Variants in ACOT4 observed in about 807,000 individuals in gnomAD.
The protein encoded by ACOT4 is peroxisomal succinyl-coenzyme A thioesterase.
In ACOT4, 18 loss-of-function variants were observed where a neutral mutation model predicts 17.1. That is an observed-to-expected ratio of 1.05 (90% CI 0.73 to 1.56). ACOT4 has a LOEUF of 1.56. Ranked by LOEUF, ACOT4 falls within the 40% of genes most tolerant of loss-of-function variation. The pLI, the probability that ACOT4 is intolerant of heterozygous loss-of-function variation, is 0.00. For synonymous variants in ACOT4, 234 were observed against 236.6 expected (o/e 0.99, Z 0.10); for missense variants, 574 against 557.2 (o/e 1.03, Z -0.30).
rs142703628 is a variant in ACOT4 at position 73,592,195 on chromosome 14, G to C, written c.236G>C (p.Gly79Ala). ...GGSFAGLEPM[G>A]LLWALEPEKP... ...AGCTTCGCGGGACTCGAGCCCATGG[G>C]GCTGCTCTGGGCCCTGGAACCCGAG... Residue 79 changes from glycine (G) to alanine (A), a missense_variant, in exon 1 of 3, where the codon GGG becomes GCG. Coordinates refer to ENST00000326303, the MANE Select transcript of ACOT4 (RefSeq NM_152331.4). The C allele has an allele frequency of 1.9e-6, 3 of 1,611,022 alleles. No individual in the cohort carries two copies. The highest frequency in any genetic ancestry group is 2.5e-6 in the Non-Finnish European group (3 of 1,178,842).
intron 2 of ACOT4, 103 bp from the exon 3 acceptor site, chr14:73,594,946 C>T (rs1253866759): frequency 7.1e-7 from 1 of 1,400,372 alleles, no homozygotes; most frequent in Admixed American, 1.9e-5. Context: ...CTCAAGTGAT[C>T]CGCCCGCCTC....
intron 2 of ACOT4, 22 bp downstream of exon 2, chr14:73,593,926 TAATC>T (rs1566865960): frequency 6.3e-7 from 1 of 1,586,660 alleles, no homozygotes; most frequent in South Asian, 1.1e-5. Flanking sequence ...GTCCTTTATT[TAATC>T]AGTCTCTCTA....
intron 2 of ACOT4, among the ~76,000 whole-genome samples, chr14:73,594,392 A>G (rs548425289): frequency 6.6e-6 from 1 of 152,258 alleles, no homozygotes; most frequent in Non-Finnish European, 1.5e-5. Context: ...TGAAGACTTC[A>G]GTCAGACCTA....
Position 73,592,007 on chromosome 14 carries a change from C to A in ACOT4, c.48C>A (p.Asn16Lys). 1.4e-6 allele frequency: 2 copies of A among 1,429,616 alleles called. No homozygotes were observed. The highest frequency in any genetic ancestry group is 1.8e-6 in the Non-Finnish European group (2 of 1,094,122). The allele number at this position is 1,429,616 out of a possible 1,614,324, so 88.6% of individuals were successfully genotyped here. A position where few individuals can be genotyped will look rare whatever the true frequency, so the allele number is the denominator to read the frequency against. ...AGCCCCCAGGCCGCTGCTGCTGGAACGAGCCGGTGCGCATTGCCGTGCGCG... is the reference window on the plus strand; with the variant it reads ...AGCCCCCAGGCCGCTGCTGCTGGAAAGAGCCGGTGCGCATTGCCGTGCGCG... ...ILEPPGRCCWNEPVRIAVRGL... is the reference protein window; with the variant it reads ...ILEPPGRCCWKEPVRIAVRGL... The change falls in exon 1 of 3, where the codon AAC becomes AAA. Residue 16 changes from asparagine to lysine, a missense_variant. By Grantham distance (94) the Asn-to-Lys change is moderately conservative (BLOSUM62 0). Coordinates refer to ENST00000326303, the MANE Select transcript of ACOT4 (RefSeq NM_152331.4).
At position 73,591,996 on chromosome 14, in the gene ACOT4, T is replaced by G. The variant is rs1890154801; in HGVS notation, c.37T>G (p.Cys13Gly). Residue 13 changes from cysteine to glycine, a missense_variant, in exon 1 of 3, where the codon TGC (cysteine) becomes GGC (glycine). Cys to Gly is a radical substitution (Grantham distance 159). Coordinates refer to ENST00000326303, the MANE Select transcript of ACOT4 (RefSeq NM_152331.4). ...GCTGATCCTGGAGCCCCCAGGCCGCTGCTGCTGGAACGAGCCGGTGCGCAT... is the reference window on the plus strand; with the variant it reads ...GCTGATCCTGGAGCCCCCAGGCCGCGGCTGCTGGAACGAGCCGGTGCGCAT... Reference protein sequence around the residue: ...ATLILEPPGRCCWNEPVRIAV... With the variant: ...ATLILEPPGRGCWNEPVRIAV... The G allele has an allele frequency of 9.1e-6, 13 of 1,421,776 alleles. No individual in the cohort carries two copies. Among genetic ancestry groups the G allele is most frequent in the Middle Eastern group, 2.2e-4 (1 of 4,612 alleles). 88.1% of individuals were successfully genotyped at this position (1,421,776 alleles called of 1,614,324 possible). A position where few individuals can be genotyped will look rare whatever the true frequency, so the allele number is the denominator to read the frequency against.
Position 73,595,435 on chromosome 14 carries a change from A to C in ACOT4, c.1047A>C (p.Lys349Asn). ...GGTTACAGGCCCATGGAAAGGAAAA[A>C]CCCCAGATCATCTGTTACCCTGGGA... The part of the protein sequence containing the change: ...SERLQAHGKE[K>N]PQIICYPGTG... Residue 349 changes from lysine (K) to asparagine (N), a missense_variant, in exon 3 of 3, where the codon AAA becomes AAC. Lys to Asn is a moderately conservative substitution (Grantham distance 94). Transcript: ENST00000326303. The C allele has an allele frequency of 6.2e-7, 1 of 1,613,790 alleles. No individual in the cohort carries two copies. Among genetic ancestry groups the C allele is most frequent in the Non-Finnish European group, 8.5e-7 (1 of 1,179,938 alleles).
Position 73,593,787 on chromosome 14 carries a change from TG to T in ACOT4, c.545del (p.Gly182AlafsTer7), listed in dbSNP as rs1379624066. On this transcript the variant is annotated frameshift_variant, in exon 2 of 3. Transcript: ENST00000326303. LOFTEE classifies it high-confidence loss of function. ...EYRASLLAGH[G>X]FATLALAYYN... The stretch of plus-strand genomic sequence containing the variant: ...ATCGAGCCAGCCTCCTTGCTGGCCA[TG>T]GCTTTGCCACGTTGGCTCTAGCTTA... 22 of 1,614,098 alleles carry T rather than the reference TG, an allele frequency of 1.4e-5. No homozygotes were observed. The highest frequency in any genetic ancestry group is 1.9e-5 in the Non-Finnish European group (22 of 1,179,942).
rs374613280 is a variant in ACOT4, at chr14:73,592,208, C to A, written c.249C>A (p.Ala83=). The change falls in exon 1 of 3, where the codon GCC becomes GCA. Residue 83 remains alanine, a synonymous_variant. Coordinates refer to ENST00000326303, the MANE Select transcript of ACOT4 (RefSeq NM_152331.4). ...TCGAGCCCATGGGGCTGCTCTGGGC[C>A]CTGGAACCCGAGAAGCCTTTTTGGC... ...AGLEPMGLLW[A]LEPEKPFWRF... is the part of the protein sequence containing the mutation. The A allele has an allele frequency of 1.4e-5, 22 of 1,612,606 alleles. No homozygotes were observed. The highest frequency in any genetic ancestry group is 1.8e-5 in the Non-Finnish European group (21 of 1,179,266).
rs1255051097 is a variant in ACOT4 at position 73,595,227 on chromosome 14, G to A, written c.839G>A (p.Arg280Lys). The part of the protein sequence containing the change: ...SSIPPLGYDL[R>K]RIKVAFSGLV... ...ATTCCACCATTGGGCTATGACCTGAGGAGAATCAAGGTAGCTTTCTCAGGC... is the reference window on the plus strand; with the variant it reads ...ATTCCACCATTGGGCTATGACCTGAAGAGAATCAAGGTAGCTTTCTCAGGC... The change falls in exon 3 of 3, where the codon AGG (arginine) becomes AAG (lysine). Residue 280 changes from arginine (R) to lysine (K), a missense_variant. Coordinates refer to ENST00000326303, the MANE Select transcript of ACOT4 (RefSeq NM_152331.4). 1.2e-6 allele frequency: 2 copies of A among 1,614,210 alleles called. No homozygotes were observed. The highest frequency in any genetic ancestry group is 3.3e-5 in the Admixed American group (2 of 60,022).
intron 1 of ACOT4, among the ~76,000 whole-genome samples, chr14:73,593,109 C>T (rs1890181652): frequency 6.6e-6 from 1 of 152,188 alleles, no homozygotes; most frequent in African/African-American, 2.4e-5. Flanking sequence ...ATGTCGTCTT[C>T]TCTAGTGTTC....
In ACOT4 at chr14:73,593,835, C is replaced by A; in HGVS notation, c.591C>A (p.Pro197=). ...ALAYYNFEDL[P]NNMDNISLEY... The stretch of plus-strand genomic sequence containing the variant: ...CTTATTATAACTTTGAAGATCTCCC[C>A]AATAACATGGACAACATATCCCTGG... Residue 197 remains proline, a synonymous_variant, in exon 2 of 3, where the codon CCC becomes CCA. Coordinates refer to ENST00000326303, the MANE Select transcript of ACOT4 (RefSeq NM_152331.4). 6.2e-7 allele frequency: 1 copy of A among 1,614,052 alleles called. No individual in the cohort carries two copies. The highest frequency in any genetic ancestry group is 8.5e-7 in the Non-Finnish European group (1 of 1,179,960).
At position 73,592,074 on chromosome 14, in the gene ACOT4, C is replaced by A; in HGVS notation, c.115C>A (p.Arg39Ser). 1 of 1,484,328 alleles carries A rather than the reference C, an allele frequency of 6.7e-7. No homozygotes were observed. Among genetic ancestry groups the A allele is most frequent in the Middle Eastern group, 2.0e-4 (1 of 4,958 alleles). The allele number at this position is 1,484,328 out of a possible 1,614,324, so 91.9% of individuals were successfully genotyped here. Residue 39 changes from arginine to serine, a missense_variant, in exon 1 of 3, where the codon CGC becomes AGC. Coordinates refer to ENST00000326303, the MANE Select transcript of ACOT4 (RefSeq NM_152331.4). ...GCGGGTTACGCTGCGCGCGTCCCTG[C>A]GCGACGAGAAGGGCGCGCTCTTCCG... Reference protein sequence around the residue: ...EQRVTLRASLRDEKGALFRAH... With the variant: ...EQRVTLRASLSDEKGALFRAH...
At chr14:73,593,545 A>G (rs1042430045) in intron 1 of ACOT4, among the ~76,000 whole-genome samples, 157 bp from the exon 2 acceptor site, 1 of 151,574 alleles carries the variant, frequency 6.6e-6, no homozygotes, top group Admixed American at 6.6e-5. Context: ...GTCTCACTAC[A>G]TTGTCCAGGC....
In ACOT4 at chr14:73,592,357, G is replaced by GGGTGCGGCGCCAGTC; in HGVS notation, c.405_419dup (p.Arg136_Arg140dup). 1.9e-6 allele frequency: 3 copies of GGGTGCGGCGCCAGTC among 1,589,262 alleles called. No homozygotes were observed. Among genetic ancestry groups the GGGTGCGGCGCCAGTC allele is most frequent in the Non-Finnish European group, 2.6e-6 (3 of 1,169,820 alleles). On this transcript the variant is annotated inframe_insertion, in exon 1 of 3. Coordinates refer to ENST00000326303, the MANE Select transcript of ACOT4 (RefSeq NM_152331.4). ...CACGAGCGCCACTTCCTCCCGCCAG[G>GGGTGCGGCGCCAGTC]GGTGCGGCGCCAGTCGGTGCGAGCG... is the stretch of plus-strand genomic sequence containing the variant.
rs770305203 is a variant in ACOT4 at position 73,593,895 on chromosome 14, A to G, written c.651A>G (p.Gln217=). ...YFEEAVCYML[Q]HPQVKGPGIG... is the part of the protein sequence containing the mutation. The stretch of plus-strand genomic sequence containing the variant: ...AAGAAGCCGTATGCTACATGCTTCA[A>G]CATCCCCAGGTTCTCCTCATGTCCT... The change falls in exon 2 of 3, where the codon CAA becomes CAG. Residue 217 remains glutamine, a synonymous_variant. Transcript: ENST00000326303. 3 of 1,611,798 alleles carry G rather than the reference A, an allele frequency of 1.9e-6. No individual in the cohort carries two copies. The highest frequency in any genetic ancestry group is 2.5e-6 in the Non-Finnish European group (3 of 1,178,576).
At chr14:73,594,317 A>G (rs958498921) in intron 2 of ACOT4, among the ~76,000 whole-genome samples, 8 of 152,204 alleles carry the variant, frequency 5.3e-5, no homozygotes, top group Non-Finnish European at 1.2e-4. Context: ...CATATGGCAA[A>G]TGATCTGATG....
At chr14:73,592,627 C>T (rs772730937) in intron 1 of ACOT4, among the ~76,000 whole-genome samples, 3 of 152,136 alleles carry the variant, frequency 2.0e-5, no homozygotes, top group South Asian at 2.1e-4. Flanking sequence ...CCGAGATGGG[C>T]GGATCACTTG....
intron 2 of ACOT4, among the ~76,000 whole-genome samples, chr14:73,594,233 C>T (rs1890209970): frequency 6.6e-6 from 1 of 152,148 alleles, no homozygotes; most frequent in African/African-American, 2.4e-5. Flanking sequence ...TTGGTCAGAA[C>T]TTGTCCACCC....
rs199669153 is a variant in ACOT4, at chr14:73,595,255, C to T, written c.867C>T (p.Leu289=). ...GAATCAAGGTAGCTTTCTCAGGCCT[C>T]GTGGACATTGTGGATATAAGGAATG... ...LRRIKVAFSG[L]VDIVDIRNAL... is the part of the protein sequence containing the mutation. Residue 289 remains leucine (L), a synonymous_variant, in exon 3 of 3, where the codon CTC becomes CTT. Transcript: ENST00000326303. The T allele has an allele frequency of 4.5e-5, 73 of 1,614,016 alleles. No individual in the cohort carries two copies. Among genetic ancestry groups the T allele is most frequent in the African/African-American group, 4.4e-4 (33 of 74,906 alleles).
Sources: gnomAD v4.1 joint callset for allele counts (sites outside exome capture counted in the v4.1 genomes callset) on GRCh38, gnomAD v4.1.1 for gene constraint, MANE v1.5 for transcripts, NCBI Gene and HGNC (gene_info 2026-07-23, HGNC 2026-07-21) for gene names.